The following PACS2 variants were observed in gnomAD, a reference collection of about 807,000 sequenced individuals.
PACS2 encodes the protein PACS1-like protein.
Under a neutral mutation model 113.0 loss-of-function variants are expected in PACS2, and 36 were observed. The ratio of observed to expected loss-of-function variants is 0.32; its 90% CI spans 0.24 to 0.42. The LOEUF (loss-of-function observed/expected upper bound fraction) is 0.42, where lower values mean the gene tolerates loss of function less well. Among genes scored for constraint, PACS2 ranks in the 10% least tolerant of loss-of-function variants. PACS2 has a pLI of 1.00. For synonymous variants in PACS2, 589 were observed against 536.1 expected (o/e 1.10, Z -1.36); for missense variants, 1,015 against 1,239.5 (o/e 0.82, Z 2.72).
chr14:105,354,009 G>A lies in PACS2; in HGVS notation c.298-1043G>A, dbSNP rs2060333211. 6.6e-6 allele frequency among the ~76,000 whole-genome samples: 1 copy of A among 151,890 alleles called. No individual in the cohort carries two copies. Among genetic ancestry groups the A allele is most frequent in the African/African-American group, 2.4e-5 (1 of 41,358 alleles). ...GGTGGCAGGAGAATCGCTTGAACCCGGGAGGTGGAGGTTGGTTGCAGTGAG... is the reference window on the plus strand; with the variant it reads ...GGTGGCAGGAGAATCGCTTGAACCCAGGAGGTGGAGGTTGGTTGCAGTGAG... On this transcript the variant is annotated intron_variant, in intron 3 of 24. Transcript: ENST00000447393. The surrounding 1 kb of genome is among the most constrained non-coding windows in gnomAD (Gnocchi z 4.2).
At chr14:105,379,931 G>T in intron 10 of PACS2, 102 bp downstream of exon 10, 1 of 1,375,398 alleles carries the variant, frequency 7.3e-7, no homozygotes, top group African/African-American at 1.4e-5. Context: ...GCCCTGTCCA[G>T]CTGTCCTGGA....
At chr14:105,318,346 T>A (rs1595555206) in intron 1 of PACS2, among the ~76,000 whole-genome samples, 2 of 152,186 alleles carry the variant, frequency 1.3e-5, no homozygotes, top group Admixed American at 6.5e-5. Flanking sequence ...AGTGGCTTGA[T>A]CATGGCTCAT....
intron 15 of PACS2, 29 bp downstream of exon 15, chr14:105,382,942 AC>A (rs1289111044): frequency 8.3e-6 from 11 of 1,332,062 alleles, no homozygotes; most frequent in Non-Finnish European, 1.2e-5. Context: ...TGTACTCACC[AC>A]CCAAGTACCC....
intron 5 of PACS2, 118 bp downstream of exon 5, chr14:105,367,493 A>C: frequency 1.0e-6 from 1 of 982,682 alleles, no homozygotes; most frequent in Non-Finnish European, 1.6e-6. Context: ...GGTCCGGAGC[A>C]CGTGTCAGTT....
At chr14:105,359,910 A>G (rs1183893219) in intron 4 of PACS2, among the ~76,000 whole-genome samples, 1 of 152,172 alleles carries the variant, frequency 6.6e-6, no homozygotes, top group African/African-American at 2.4e-5. Context: ...TATTTCAAGC[A>G]TGAGCCACCG....
Position 105,317,406 on chromosome 14 carries a change from C to T in PACS2, c.119+2369C>T, listed in dbSNP as rs1001378625. ...GCACGCACTCAGCGTTACTGCTGGG[C>T]AGTTTTCCAGAGTGGTTGTGCCTGC... is the stretch of plus-strand genomic sequence containing the variant. On this transcript the variant is annotated intron_variant, in intron 1 of 24. Transcript: ENST00000447393. The surrounding 1 kb of genome is among the most constrained non-coding windows in gnomAD (Gnocchi z 4.2). 9.9e-5 allele frequency among the ~76,000 whole-genome samples: 15 copies of T among 152,188 alleles called. No homozygotes were observed. The highest frequency in any genetic ancestry group is 2.0e-4 in the Admixed American group (3 of 15,284).
At chr14:105,345,017 G>A (rs1215132602) in intron 1 of PACS2, among the ~76,000 whole-genome samples, 1 of 152,070 alleles carries the variant, frequency 6.6e-6, no homozygotes, top group Non-Finnish European at 1.5e-5. Context: ...GCTGAGGCAT[G>A]AGAATCGTTT....
chr14:105,334,324 G>T (rs2140924783), intron 1 of PACS2, among the ~76,000 whole-genome samples: 1 of 152,372 alleles, frequency 6.6e-6, no homozygotes, highest in South Asian at 2.1e-4. Flanking sequence ...GGCCAGGAGA[G>T]CATTGGAAGG....
intron 4 of PACS2, among the ~76,000 whole-genome samples, chr14:105,363,897 A>G (rs782689829): frequency 3.3e-5 from 5 of 151,972 alleles, no homozygotes; most frequent in African/African-American, 4.8e-5. Context: ...CCTAATTTCC[A>G]TATTATTGTG....
chr14:105,304,449 T>C (rs2058121885), intron 1 of PACS2, among the ~76,000 whole-genome samples: 1 of 152,008 alleles, frequency 6.6e-6, no homozygotes, highest in African/African-American at 2.4e-5. Context: ...GATGGCGTCA[T>C]TGCACTTCAG....
At position 105,355,559 on chromosome 14, in the gene PACS2, C is replaced by G. The variant is rs900137260; in HGVS notation, c.423+382C>G. ...GTGATGGGTTCGTGTCTGCATCCTG[C>G]TCAGCACGTGCTCTGGCCCAGGATT... On this transcript the variant is annotated intron_variant, in intron 4 of 24. Transcript: ENST00000447393. This position sits in a 1 kb window ranked among gnomAD's most constrained non-coding sequence, Gnocchi z 4.1. 6.6e-6 allele frequency among the ~76,000 whole-genome samples: 1 copy of G among 152,224 alleles called. No individual in the cohort carries two copies. Among genetic ancestry groups the G allele is most frequent in the Non-Finnish European group, 1.5e-5 (1 of 68,038 alleles).
intron 24 of PACS2, chr14:105,393,598 T>TG (rs1457626234): frequency 2.5e-6 from 1 of 392,248 alleles, no homozygotes; most frequent in African/African-American, 2.1e-5. Context: ...TTTTGGTTTT[T>TG]TTTTTTTTGA....
chr14:105,323,111 T>C lies in PACS2; in HGVS notation c.119+8074T>C, dbSNP rs1308533807. On this transcript the variant is annotated intron_variant, in intron 1 of 24. Transcript: ENST00000447393. The surrounding 1 kb of genome is among the most constrained non-coding windows in gnomAD (Gnocchi z 4.1). ...ATCGTTGCCAACGGTCGTCTCATGG[T>C]GGGTCCTGGTGTGGGTTCTCTTGTG... Among the ~76,000 whole-genome samples, 1 of 152,140 alleles carries C rather than the reference T, an allele frequency of 6.6e-6. No homozygotes were observed. Among genetic ancestry groups the C allele is most frequent in the Non-Finnish European group, 1.5e-5 (1 of 68,014 alleles).
chr14:105,392,289 C>T, intron 22 of PACS2: 1 of 402,434 alleles, frequency 2.5e-6, no homozygotes, highest in Non-Finnish European at 4.6e-6. Flanking sequence ...CTCTGTGTTT[C>T]CAGCCGCCGG....
intron 1 of PACS2, among the ~76,000 whole-genome samples, chr14:105,304,361 G>A (rs1046205191): frequency 9.9e-5 from 15 of 152,126 alleles, no homozygotes; most frequent in Non-Finnish European, 1.5e-4. Flanking sequence ...GATGGTGGGC[G>A]CCTGTAGTTC....
upstream of PACS2, among the ~76,000 whole-genome samples, chr14:105,313,312 G>A (rs976536653): frequency 6.6e-6 from 1 of 152,200 alleles, no homozygotes; most frequent in Admixed American, 6.5e-5. Context: ...CTGGGGTATG[G>A]CTACCCCCTC....
Position 105,394,603 on chromosome 14 carries a change from C to T in PACS2, c.2646C>T (p.Ala882=), listed in dbSNP as rs781918759. The T allele has an allele frequency of 8.1e-6, 13 of 1,613,438 alleles. No individual in the cohort carries two copies. Among genetic ancestry groups the T allele is most frequent in the East Asian group, 2.2e-5 (1 of 44,878 alleles). Residue 882 remains alanine (A), a synonymous_variant, in exon 25 of 25, where the codon GCC becomes GCT. Transcript: ENST00000447393. ...ECSDVKFFQL[A]AQWSSHVKHF... ...GCGACGTCAAGTTCTTCCAGCTGGC[C>T]GCGCAGTGGTCCTCGCACGTGAAGC...
In PACS2 at chr14:105,376,868, G is replaced by A; in HGVS notation, c.902G>A (p.Ser301Asn). ...CTGGACATGGAGCACCCCAGCGACAGCGGCCCCGACATGGAGGATGACGAC... is the reference window on the plus strand; with the variant it reads ...CTGGACATGGAGCACCCCAGCGACAACGGCCCCGACATGGAGGATGACGAC... Reference protein sequence around the residue: ...DTLDMEHPSDSGPDMEDDDSV... With the variant: ...DTLDMEHPSDNGPDMEDDDSV... Residue 301 changes from serine to asparagine, a missense_variant, in exon 9 of 25, where the codon AGC becomes AAC. Physicochemically the swap from Ser to Asn is conservative, Grantham distance 46. This residue lies in a region of PACS2 where 859 missense variants were observed against 1,056.8 expected (regional missense o/e 0.81). Coordinates refer to ENST00000447393, the MANE Select transcript of PACS2 (RefSeq NM_001100913.3). This position sits in a 1 kb window ranked among gnomAD's most constrained non-coding sequence, Gnocchi z 4.7. The A allele has an allele frequency of 6.2e-7, 1 of 1,613,166 alleles. No homozygotes were observed. Among genetic ancestry groups the A allele is most frequent in the Non-Finnish European group, 8.5e-7 (1 of 1,179,882 alleles).
chr14:105,353,649 G>A (rs2060321219), intron 3 of PACS2, among the ~76,000 whole-genome samples: 1 of 151,940 alleles, frequency 6.6e-6, no homozygotes, highest in South Asian at 2.1e-4. Flanking sequence ...TGTCACCCAG[G>A]CTGGTGCAGT....
Sources: gnomAD v4.1 joint callset for allele counts (sites outside exome capture counted in the v4.1 genomes callset) on GRCh38, gnomAD v4.1.1 for gene constraint, gnomAD v4.1.1 regional missense constraint, Gnocchi (gnomAD v3.1) non-coding constraint, MANE v1.5 for transcripts, NCBI Gene and HGNC (gene_info 2026-07-23, HGNC 2026-07-21) for gene names.